Variants in SDK1 observed in about 807,000 individuals in gnomAD.
SDK1 encodes protein sidekick-1.
Under a neutral mutation model 245.5 loss-of-function variants are expected in SDK1, and 157 were observed. The ratio of observed to expected loss-of-function variants is 0.64; its 90% CI spans 0.56 to 0.73. The LOEUF (loss-of-function observed/expected upper bound fraction) is 0.73, where lower values mean the gene tolerates loss of function less well. Ranked by LOEUF, SDK1 falls within the 30% of genes least tolerant of loss-of-function variation. The pLI is 0.00. For missense variants in SDK1, 3,583 were observed against 3,002.3 expected, an observed-to-expected ratio of 1.19 and a Z score of -4.52; for synonymous variants, 1,647 against 1,278.5, an observed-to-expected ratio of 1.29 and a Z score of -6.15.
At chr7:4,073,595 A>G (rs141490642) in intron 20 of SDK1, among the ~76,000 whole-genome samples, 13 of 152,356 alleles carry the variant, frequency 8.5e-5, no homozygotes, top group Admixed American at 8.5e-4. Context: ...GACAAGTTGT[A>G]ATATTAAACA....
At chr7:3,628,218 C>T (rs1019460050) in intron 2 of SDK1, among the ~76,000 whole-genome samples, 1 of 152,162 alleles carries the variant, frequency 6.6e-6, no homozygotes, top group African/African-American at 2.4e-5. Context: ...TAGTCTTACT[C>T]TTGTGGCTAC....
At chr7:3,447,613 G>A (rs1338489602) in intron 1 of SDK1, among the ~76,000 whole-genome samples, 2 of 150,882 alleles carry the variant, frequency 1.3e-5, no homozygotes, top group Non-Finnish European at 3.0e-5. Flanking sequence ...ATTGCATATT[G>A]ATGTACATTT....
At chr7:3,758,561 A>T (rs755508431) in intron 4 of SDK1, among the ~76,000 whole-genome samples, 32 of 152,314 alleles carry the variant, frequency 2.1e-4, no homozygotes, top group Non-Finnish European at 3.7e-4. Context: ...AATGGCTCCT[A>T]CTGTGGCCTT....
At chr7:3,912,501 G>A (rs530846348) in intron 5 of SDK1, among the ~76,000 whole-genome samples, 66 of 152,346 alleles carry the variant, frequency 4.3e-4, no homozygotes, top group Non-Finnish European at 7.3e-5. Flanking sequence ...AGAAAGGCCA[G>A]TGAGAGGCTT....
intron 5 of SDK1, among the ~76,000 whole-genome samples, chr7:3,877,597 A>G (rs1456261967): frequency 6.6e-6 from 1 of 152,266 alleles, no homozygotes; most frequent in Non-Finnish European, 1.5e-5. Context: ...TTATAAAAGT[A>G]TTAAAAAAGA....
chr7:4,057,835 A>G (rs1386862064), intron 19 of SDK1, among the ~76,000 whole-genome samples: 1 of 152,218 alleles, frequency 6.6e-6, no homozygotes, highest in Non-Finnish European at 1.5e-5. Flanking sequence ...AGACTACACT[A>G]CTGCTTCATC....
intron 1 of SDK1, among the ~76,000 whole-genome samples, chr7:3,526,956 T>TG: frequency 6.6e-6 from 1 of 152,100 alleles, no homozygotes; most frequent in Non-Finnish European, 1.5e-5. Context: ...AGACAGGAGG[T>TG]TGTCAGTTAA....
intron 1 of SDK1, among the ~76,000 whole-genome samples, chr7:3,426,566 C>G (rs186630864): frequency 2.4e-4 from 37 of 152,320 alleles, no homozygotes; most frequent in African/African-American, 8.7e-4. Flanking sequence ...GTACCTAGCA[C>G]GTTGCATCCA....
At chr7:3,402,477 C>T (rs1304344060) in intron 1 of SDK1, among the ~76,000 whole-genome samples, 4 of 152,074 alleles carry the variant, frequency 2.6e-5, no homozygotes, top group Non-Finnish European at 5.9e-5. Context: ...TATGACTTCC[C>T]ATCTGTGGTA....
chr7:4,268,801 C>G lies in SDK1; in HGVS notation c.*3417C>G. 1 of 1,298,954 alleles carries G rather than the reference C, an allele frequency of 7.7e-7. No individual in the cohort carries two copies. The highest frequency in any genetic ancestry group is 1.0e-6 in the Non-Finnish European group (1 of 959,484). 80.5% of individuals were successfully genotyped at this position (1,298,954 alleles called of 1,614,324 possible). ...ACAACGTGGAAACTCATGAGCTGAGCCTGCCCGCTGGGACACGTCTCCTTC... is the reference window on the plus strand; with the variant it reads ...ACAACGTGGAAACTCATGAGCTGAGGCTGCCCGCTGGGACACGTCTCCTTC... On this transcript the variant is annotated 3_prime_UTR_variant, in exon 45 of 45. Coordinates refer to ENST00000404826, the MANE Select transcript of SDK1 (RefSeq NM_152744.4).
intron 1 of SDK1, among the ~76,000 whole-genome samples, chr7:3,483,173 T>C (rs1197750882): frequency 6.6e-6 from 1 of 152,198 alleles, no homozygotes; most frequent in Admixed American, 6.5e-5. Context: ...GGGTTACCTT[T>C]ATAGATTACT....
At chr7:3,605,129 GAAA>G (rs566038077) in intron 1 of SDK1, among the ~76,000 whole-genome samples, 1 of 106,594 alleles carries the variant, frequency 9.4e-6, no homozygotes, top group African/African-American at 4.6e-5. Context: ...AGCACTTGAG[GAAA>G]AAAAAAACAA....
At chr7:4,137,844 G>A (rs1043288691) in intron 28 of SDK1, among the ~76,000 whole-genome samples, 3 of 152,174 alleles carry the variant, frequency 2.0e-5, no homozygotes, top group Admixed American at 1.3e-4. Context: ...CCACAGAAAC[G>A]CTCTTATCTC....
intron 2 of SDK1, among the ~76,000 whole-genome samples, chr7:3,621,941 T>A (rs947369358): frequency 2.0e-5 from 3 of 152,238 alleles, no homozygotes; most frequent in Non-Finnish European, 4.4e-5. Flanking sequence ...TTTTACTTTA[T>A]AGTATTTAAT....
At chr7:3,858,482 C>G (rs1780603594) in intron 5 of SDK1, among the ~76,000 whole-genome samples, 1 of 151,956 alleles carries the variant, frequency 6.6e-6, no homozygotes, top group South Asian at 2.1e-4. Flanking sequence ...AAAAAAATCA[C>G]AAGAAGCTTA....
intron 11 of SDK1, among the ~76,000 whole-genome samples, chr7:3,970,989 G>A (rs1226617986): frequency 1.3e-5 from 2 of 152,178 alleles, no homozygotes; most frequent in Non-Finnish European, 2.9e-5. Context: ...CTGCATCTCT[G>A]AGCGTCCATC....
At chr7:3,736,371 C>T (rs768456151) in intron 4 of SDK1, among the ~76,000 whole-genome samples, 24 of 152,226 alleles carry the variant, frequency 1.6e-4, no homozygotes, top group African/African-American at 5.5e-4. Flanking sequence ...CGGCTCACTG[C>T]GAGCTCTGCC....
chr7:4,248,561 T>C lies in SDK1; in HGVS notation c.6381+2756T>C, dbSNP rs151335010. On this transcript the variant is annotated intron_variant, in intron 44 of 44. Coordinates refer to ENST00000404826, the MANE Select transcript of SDK1 (RefSeq NM_152744.4). ...ACACATGCAAACACATACATATACCTATACACCTGAATACATGCACACACA... is the reference window on the plus strand; with the variant it reads ...ACACATGCAAACACATACATATACCCATACACCTGAATACATGCACACACA... Among the ~76,000 whole-genome samples, 1,128 of 151,958 alleles carry C rather than the reference T, an allele frequency of 7.4e-3. 7 individuals are homozygous for C. The highest frequency in any genetic ancestry group is 0.024 in the Middle Eastern group (7 of 294).
rs181438758 is a variant in SDK1 at position 3,385,983 on chromosome 7, T to C, written c.298+84099T>C. Among the ~76,000 whole-genome samples the C allele has an allele frequency of 4.2e-3, 635 of 152,288 alleles. 9 individuals are homozygous for C. The highest frequency in any genetic ancestry group is 0.018 in the South Asian group (87 of 4,826). Reference sequence around the variant, plus strand: ...CCCTTTCCTCTGCATGGATTTTTTTTTTCCACATGAGGGAAGCTGTGGTAA... The same window carrying C: ...CCCTTTCCTCTGCATGGATTTTTTTCTTCCACATGAGGGAAGCTGTGGTAA... On this transcript the variant is annotated intron_variant, in intron 1 of 44. Transcript: ENST00000404826.
Sources: allele counts gnomAD v4.1 joint callset (sites outside exome capture counted in the v4.1 genomes callset), GRCh38; gene constraint gnomAD v4.1.1; transcripts MANE v1.5; gene names NCBI Gene and HGNC (gene_info 2026-07-23, HGNC 2026-07-21).